PRDM6: variants seen among roughly 807,000 people sequenced by gnomAD.
PRDM6 encodes PR/SET domain 6, also known as putative histone-lysine N-methyltransferase PRDM6.
In PRDM6, 25 loss-of-function variants were observed where a neutral mutation model predicts 60.8. The observed-to-expected ratio is 0.41, with a 90% CI of 0.30 to 0.57. PRDM6 has a LOEUF of 0.57. Among genes scored for constraint, PRDM6 ranks in the 20% least tolerant of loss-of-function variants. PRDM6 has a pLI of 0.27. For synonymous variants in PRDM6, 407 were observed against 357.4 expected (o/e 1.14, Z -1.57); for missense variants, 839 against 821.3 (o/e 1.02, Z -0.26).
intron 3 of PRDM6, among the ~76,000 whole-genome samples, chr5:123,129,460 C>T (rs535434203): frequency 6.6e-6 from 1 of 152,196 alleles, no homozygotes; most frequent in South Asian, 2.1e-4. Flanking sequence ...TGTAGTTCTT[C>T]TTTACATCCT....
intron 3 of PRDM6, among the ~76,000 whole-genome samples, chr5:123,122,082 G>A (rs1298606191): frequency 7.2e-6 from 1 of 139,178 alleles, no homozygotes; most frequent in Non-Finnish European, 1.5e-5. Context: ...AGAATCGTGT[G>A]AACCTGGGAG....
chr5:123,142,877 C>CAAAAAAAAAAAAAAAAAAAAAA, intron 3 of PRDM6, among the ~76,000 whole-genome samples: 3 of 27,362 alleles, frequency 1.1e-4, no homozygotes, highest in African/African-American at 1.7e-4. Flanking sequence ...CAGTGAAGAC[C>CAAAAAAAAAAAAAAAAAAAAAA]AAAAAAAAAA....
chr5:123,158,402 A>C (rs1320668961), intron 4 of PRDM6, among the ~76,000 whole-genome samples: 2 of 152,192 alleles, frequency 1.3e-5, no homozygotes, highest in East Asian at 3.8e-4. Context: ...AACTGGCTGG[A>C]GTTTTTGTCA....
At chr5:123,127,549 T>G (rs1764720867) in intron 3 of PRDM6, among the ~76,000 whole-genome samples, 2 of 152,234 alleles carry the variant, frequency 1.3e-5, no homozygotes, top group Admixed American at 6.5e-5. Flanking sequence ...TTGTTAGTTG[T>G]GAGACTTAAT....
chr5:123,094,432 T>TTCTCTCTCTCTCTCTCTC (rs3037346), intron 2 of PRDM6, among the ~76,000 whole-genome samples: 1,580 of 147,998 alleles, frequency 0.011, 17 homozygotes, highest in Non-Finnish European at 0.015. Context: ...GCTTTTGTGT[T>TTCTCTCTCTCTCTCTCTC]TCTCTCTCTC....
At chr5:123,147,995 G>T (rs961709044) in intron 3 of PRDM6, among the ~76,000 whole-genome samples, 5 of 152,216 alleles carry the variant, frequency 3.3e-5, no homozygotes, top group Admixed American at 2.0e-4. Flanking sequence ...CTTAGCAGTA[G>T]CTGACCCACA....
At chr5:123,178,857 G>A (rs1444431750) in intron 6 of PRDM6, among the ~76,000 whole-genome samples, 4 of 152,042 alleles carry the variant, frequency 2.6e-5, no homozygotes, top group East Asian at 1.9e-4. Context: ...ATTGTCTCCC[G>A]GCCCTTCATT....
chr5:123,123,991 A>G (rs558120069), intron 3 of PRDM6, among the ~76,000 whole-genome samples: 7 of 152,264 alleles, frequency 4.6e-5, no homozygotes, highest in African/African-American at 1.4e-4. Context: ...CATTCCTTAA[A>G]CGATACTCAT....
intron 5 of PRDM6, among the ~76,000 whole-genome samples, chr5:123,160,436 A>C (rs1765601467): frequency 6.6e-6 from 1 of 152,234 alleles, no homozygotes; most frequent in African/African-American, 2.4e-5. Flanking sequence ...TTTTCTTGTC[A>C]CCACATTGAC....
intron 6 of PRDM6, among the ~76,000 whole-genome samples, chr5:123,174,018 G>C (rs1765952279): frequency 6.6e-6 from 1 of 152,190 alleles, no homozygotes; most frequent in Non-Finnish European, 1.5e-5. Context: ...TATCCACGTG[G>C]ATTATTACTG....
chr5:123,104,050 T>A (rs1293214383), intron 3 of PRDM6, among the ~76,000 whole-genome samples: 2 of 152,098 alleles, frequency 1.3e-5, no homozygotes, highest in African/African-American at 4.8e-5. Context: ...TTATTTTTCT[T>A]CAGAAAATCA....
At position 123,193,678 on chromosome 5, in the gene PRDM6, T is replaced by C. The variant is rs1036364184; in HGVS notation, c.*6477T>C. ...TTGGCTCAGATCAGCAAAATTATTTTGGAAACTTAATGTCCCAAGTTAATT... is the reference window on the plus strand; with the variant it reads ...TTGGCTCAGATCAGCAAAATTATTTCGGAAACTTAATGTCCCAAGTTAATT... On this transcript the variant is annotated 3_prime_UTR_variant, in exon 8 of 8. Transcript: ENST00000407847. 3 of 152,216 alleles carry C rather than the reference T, an allele frequency of 2.0e-5. No homozygotes were observed. The highest frequency in any genetic ancestry group is 7.2e-5 in the African/African-American group (3 of 41,452). 9.4% of individuals were successfully genotyped at this position (152,216 alleles called of 1,614,324 possible). A position where few individuals can be genotyped will look rare whatever the true frequency, so the allele number is the denominator to read the frequency against.
Position 123,108,363 on chromosome 5 carries a change from C to A in PRDM6, c.900+8402C>A, listed in dbSNP as rs1764240634. The stretch of plus-strand genomic sequence containing the variant: ...CACCAAGAGCTAAATATTGTTAGCA[C>A]ACCTGGAAATATTAATGTTTATCAC... On this transcript the variant is annotated intron_variant, in intron 3 of 7. Transcript: ENST00000407847. Among the ~76,000 whole-genome samples, 3 of 152,132 alleles carry A rather than the reference C, an allele frequency of 2.0e-5. No individual in the cohort carries two copies. In the South Asian group the frequency reaches 6.2e-4, roughly 32 times the overall value.
chr5:123,121,646 C>T (rs540301177), intron 3 of PRDM6, among the ~76,000 whole-genome samples: 6 of 152,266 alleles, frequency 3.9e-5, no homozygotes, highest in African/African-American at 1.4e-4. Context: ...GATTAAAAAA[C>T]CACCACATAA....
intron 3 of PRDM6, among the ~76,000 whole-genome samples, chr5:123,123,985 C>G (rs1248771960): frequency 1.3e-5 from 2 of 152,074 alleles, no homozygotes; most frequent in Admixed American, 6.6e-5. Context: ...AGGTGACATT[C>G]CTTAAACGAT....
intron 3 of PRDM6, among the ~76,000 whole-genome samples, chr5:123,115,591 G>GA (rs532864859): frequency 6.6e-6 from 1 of 151,952 alleles, no homozygotes; most frequent in Non-Finnish European, 1.5e-5. Flanking sequence ...ATTTTAAAAA[G>GA]AAAAAAACAA....
intron 7 of PRDM6, among the ~76,000 whole-genome samples, chr5:123,185,638 G>A (rs1249953472): frequency 6.6e-6 from 1 of 152,178 alleles, no homozygotes; most frequent in Admixed American, 6.5e-5. Context: ...TTCCCCGAAA[G>A]ACAATCAAAG....
intron 3 of PRDM6, among the ~76,000 whole-genome samples, chr5:123,132,931 A>C (rs1764866708): frequency 6.6e-6 from 1 of 152,068 alleles, no homozygotes; most frequent in Non-Finnish European, 1.5e-5. Flanking sequence ...TGTTATCTTT[A>C]ACAAATATTA....
At chr5:123,173,476 C>T (rs1029043986) in intron 6 of PRDM6, 7 of 166,984 alleles carry the variant, frequency 4.2e-5, no homozygotes, top group Non-Finnish European at 2.9e-5. Flanking sequence ...CCAGCCTTTC[C>T]AGATGAGGTG....
Sources: gnomAD v4.1 joint callset for allele counts (sites outside exome capture counted in the v4.1 genomes callset) on GRCh38, gnomAD v4.1.1 for gene constraint, MANE v1.5 for transcripts, NCBI Gene and HGNC (gene_info 2026-07-23, HGNC 2026-07-21) for gene names.